Variants in FGGY observed in about 807,000 individuals in gnomAD.
The protein encoded by FGGY is FGGY carbohydrate kinase domain-containing protein.
FGGY carries 72 observed loss-of-function variants against 71.3 expected under a neutral mutation model. The ratio of observed to expected loss-of-function variants is 1.01; its 90% CI spans 0.84 to 1.23. The LOEUF (loss-of-function observed/expected upper bound fraction) is 1.23. Ranked by LOEUF, FGGY falls within the 50% of genes most tolerant of loss-of-function variation. FGGY has a pLI of 0.00. For missense variants in FGGY, 668 were observed against 682.3 expected, an observed-to-expected ratio of 0.98 and a Z score of 0.23; for synonymous variants, 251 against 250.3, an observed-to-expected ratio of 1.00 and a Z score of -0.02.
intron 2 of FGGY, among the ~76,000 whole-genome samples, chr1:59,335,890 T>C (rs931571902): frequency 1.3e-5 from 2 of 152,186 alleles, no homozygotes; most frequent in Non-Finnish European, 2.9e-5. Context: ...TAAAATATAT[T>C]TTATATGCAA....
At chr1:59,613,628 G>A (rs929097244) in intron 9 of FGGY, among the ~76,000 whole-genome samples, 25 of 151,964 alleles carry the variant, frequency 1.6e-4, no homozygotes, top group Admixed American at 4.6e-4. Flanking sequence ...GCTAGCAGAA[G>A]GCAAGAAATA....
At chr1:59,651,548 T>C (rs2153935003) in intron 11 of FGGY, among the ~76,000 whole-genome samples, 1 of 147,136 alleles carries the variant, frequency 6.8e-6, no homozygotes. Context: ...GTTTAAAGTC[T>C]GTTTTATCAG....
intron 9 of FGGY, among the ~76,000 whole-genome samples, chr1:59,624,613 G>C (rs2096839832): frequency 6.6e-6 from 1 of 152,142 alleles, no homozygotes; most frequent in Non-Finnish European, 1.5e-5. Flanking sequence ...AGTTCCACAT[G>C]GCTGGGGAGG....
chr1:59,751,027 T>A (rs1207319431), intron 14 of FGGY, among the ~76,000 whole-genome samples: 2 of 152,156 alleles, frequency 1.3e-5, no homozygotes, highest in African/African-American at 4.8e-5. Context: ...AACTCCAGCC[T>A]AGGGCACTCA....
intron 4 of FGGY, among the ~76,000 whole-genome samples, chr1:59,378,447 G>A (rs1256007073): frequency 6.6e-6 from 1 of 152,004 alleles, no homozygotes; most frequent in Admixed American, 6.6e-5. Flanking sequence ...AAATTACCCA[G>A]TCTCGGGTAT....
intron 8 of FGGY, among the ~76,000 whole-genome samples, chr1:59,596,708 C>T (rs1036213814): frequency 2.0e-5 from 3 of 151,520 alleles, no homozygotes; most frequent in African/African-American, 7.2e-5. Context: ...CTTCCAGGCA[C>T]CCAGGCCTGG....
chr1:59,361,732 T>C (rs569705667), intron 4 of FGGY, among the ~76,000 whole-genome samples: 1 of 152,290 alleles, frequency 6.6e-6, no homozygotes, highest in African/African-American at 2.4e-5. Context: ...CCGACTCTTC[T>C]ATCTCAAAGA....
intron 14 of FGGY, among the ~76,000 whole-genome samples, chr1:59,733,462 T>TTTTGTTTTG (rs1553437709): frequency 1.7e-4 from 12 of 70,062 alleles, no homozygotes; most frequent in East Asian, 1.5e-3. Context: ...TTTTGTTTTG[T>TTTTGTTTTG]TTTTTTGTTT....
chr1:59,607,888 G>T lies in FGGY; in HGVS notation c.989G>T (p.Gly330Val), dbSNP rs781638004. The change falls in exon 9 of 16, where the codon GGT becomes GTT. Residue 330 changes from glycine to valine, a missense_variant. Gly to Val is a moderately radical substitution (Grantham distance 109). Coordinates refer to ENST00000303721, the MANE Select transcript of FGGY (RefSeq NM_018291.5). The stretch of plus-strand genomic sequence containing the variant: ...CCTGGGTTCTGGCTGAATGAAGGTG[G>T]TCAGAGCGTTACTGGAAAATTGGTA... Reference protein sequence around the residue: ...MVPGFWLNEGGQSVTGKLIDH... With the variant: ...MVPGFWLNEGVQSVTGKLIDH... 1 of 1,614,028 alleles carries T rather than the reference G, an allele frequency of 6.2e-7. No individual in the cohort carries two copies. Among genetic ancestry groups the T allele is most frequent in the South Asian group, 1.1e-5 (1 of 91,066 alleles).
chr1:59,537,881 A>T (rs1252320682), intron 7 of FGGY, among the ~76,000 whole-genome samples: 1 of 152,220 alleles, frequency 6.6e-6, no homozygotes, highest in African/African-American at 2.4e-5. Flanking sequence ...TTAGACCTAA[A>T]ACCATAAAAA....
At chr1:59,557,383 C>T (rs1269935006) in intron 8 of FGGY, among the ~76,000 whole-genome samples, 1 of 152,130 alleles carries the variant, frequency 6.6e-6, no homozygotes, top group Non-Finnish European at 1.5e-5. Context: ...ATCCAGGTTG[C>T]CTCTTTCTAG....
chr1:59,688,478 CT>C (rs2097563049), intron 14 of FGGY, among the ~76,000 whole-genome samples: 1 of 152,188 alleles, frequency 6.6e-6, no homozygotes, highest in Admixed American at 6.5e-5. Context: ...TCATATTGCC[CT>C]GGTCTTGTAG....
intron 12 of FGGY, among the ~76,000 whole-genome samples, chr1:59,663,695 T>C (rs2097298594): frequency 6.6e-6 from 1 of 152,158 alleles, no homozygotes; most frequent in African/African-American, 2.4e-5. Context: ...CAATAAGCCT[T>C]TTTTGTGGAG....
chr1:59,461,181 T>G (rs569546953), intron 6 of FGGY, among the ~76,000 whole-genome samples: 1 of 152,288 alleles, frequency 6.6e-6, no homozygotes, highest in East Asian at 1.9e-4. Context: ...GAAAAAAGAT[T>G]AGATGAATAG....
In FGGY at chr1:59,478,099, CCAGA is replaced by C. The variant is rs553120057; in HGVS notation, c.670+21024_670+21027del. Among the ~76,000 whole-genome samples the C allele has an allele frequency of 1.2e-4, 18 of 152,262 alleles. No individual in the cohort carries two copies. In the East Asian group the frequency reaches 3.3e-3, roughly 28 times the overall value. ...GAAGGCCACTCAGTTCAACCACTTG[CCAGA>C]TTGGGAAAGTAATACCTCTCTCTGA... is the stretch of plus-strand genomic sequence containing the variant. On this transcript the variant is annotated intron_variant, in intron 6 of 15. Transcript: ENST00000303721.
intron 8 of FGGY, among the ~76,000 whole-genome samples, chr1:59,568,376 G>A (rs11207477): frequency 0.088 from 12,596 of 142,824 alleles, 1,238 homozygotes; most frequent in African/African-American, 0.25. Flanking sequence ...CCCTCTGCCT[G>A]TTGAGTAGCA....
chr1:59,716,720 C>T (rs891740817), intron 14 of FGGY, among the ~76,000 whole-genome samples: 12 of 152,100 alleles, frequency 7.9e-5, no homozygotes, highest in African/African-American at 2.2e-4. Flanking sequence ...AACAAGAGAG[C>T]GGACAGGGGA....
chr1:59,659,181 G>A (rs1354515848), intron 11 of FGGY, among the ~76,000 whole-genome samples: 3 of 152,168 alleles, frequency 2.0e-5, no homozygotes, highest in Non-Finnish European at 4.4e-5. Context: ...CAGCCTGGGA[G>A]ACAAAGCAAG....
chr1:59,721,337 G>GTTTTTTTTTTTTTTCTTTTTTTTTT (rs2097891969), intron 14 of FGGY, among the ~76,000 whole-genome samples: 1 of 105,376 alleles, frequency 9.5e-6, no homozygotes, highest in African/African-American at 4.2e-5. Flanking sequence ...TCTTTCCTTT[G>GTTTTTTTTTTTTTTCTTTTTTTTTT]TTTTTTTTTT....
Sources: allele counts gnomAD v4.1 joint callset (sites outside exome capture counted in the v4.1 genomes callset), GRCh38; gene constraint gnomAD v4.1.1; transcripts MANE v1.5; gene names NCBI Gene and HGNC (gene_info 2026-07-23, HGNC 2026-07-21).